The following NPHP3 variants were observed in gnomAD, a reference collection of about 807,000 sequenced individuals.
The protein encoded by NPHP3 is nephrocystin 3.
NPHP3 carries 123 observed loss-of-function variants against 171.9 expected under a neutral mutation model. The observed-to-expected ratio is 0.72, with a 90% CI of 0.62 to 0.83. NPHP3 has a LOEUF of 0.83. Ranked by LOEUF, NPHP3 falls within the 40% of genes least tolerant of loss-of-function variation. NPHP3 has a pLI of 0.00. For synonymous variants in NPHP3, 558 were observed against 579.2 expected (o/e 0.96, Z 0.52); for missense variants, 1,506 against 1,591.9 (o/e 0.95, Z 0.92).
At chr3:132,710,067 T>TG (rs1401893550) in intron 6 of NPHP3, among the ~76,000 whole-genome samples, 1 of 152,160 alleles carries the variant, frequency 6.6e-6, no homozygotes, top group Non-Finnish European at 1.5e-5. Context: ...CGGAAGCAGA[T>TG]GCTACAGATG....
At chr3:132,712,357 G>T (rs1939933231) in intron 6 of NPHP3, 1 of 452,418 alleles carries the variant, frequency 2.2e-6, no homozygotes, top group South Asian at 1.6e-5. Context: ...TGAAATTAGG[G>T]GTTATCAACT....
chr3:132,700,642 G>A (rs1010861989), intron 10 of NPHP3, among the ~76,000 whole-genome samples, 194 bp from the exon 11 acceptor site: 1 of 152,052 alleles, frequency 6.6e-6, no homozygotes, highest in African/African-American at 2.4e-5. Context: ...TTAAAAAATT[G>A]TAGATTCATT....
Position 132,694,827 on chromosome 3 carries a change from C to T in NPHP3, c.2310G>A (p.Gln770=). 2 of 1,612,986 alleles carry T rather than the reference C, an allele frequency of 1.2e-6. No individual in the cohort carries two copies. Among genetic ancestry groups the T allele is most frequent in the Non-Finnish European group, 8.5e-7 (1 of 1,179,854 alleles). Reference sequence around the variant, plus strand: ...TTTTTATAAGTTTATTACATTCTACCTGCTTCATTAGCTCTTTATCCACAT... The same window carrying T: ...TTTTTATAAGTTTATTACATTCTACTTGCTTCATTAGCTCTTTATCCACAT... ...ANDVDKELMK[Q]ILCLVNVSHN... The change falls in exon 16 of 27, where the codon CAG becomes CAA. Residue 770 remains glutamine, a splice_region_variant and synonymous_variant. Transcript: ENST00000337331.
chr3:132,706,276 G>C (rs923265119), intron 7 of NPHP3, among the ~76,000 whole-genome samples: 1 of 151,358 alleles, frequency 6.6e-6, no homozygotes, highest in African/African-American at 2.4e-5. Context: ...AGAGAATGGC[G>C]TGAACCCGGG....
intron 13 of NPHP3, among the ~76,000 whole-genome samples, chr3:132,698,918 G>C (rs931141692): frequency 6.6e-6 from 1 of 151,670 alleles, no homozygotes; most frequent in African/African-American, 2.4e-5. Flanking sequence ...TTGGAGACAG[G>C]GTCTCCCTCT....
intron 6 of NPHP3, among the ~76,000 whole-genome samples, chr3:132,710,346 TAAAA>T (rs78357959): frequency 7.8e-6 from 1 of 127,534 alleles, no homozygotes; most frequent in African/African-American, 2.9e-5. Flanking sequence ...GGTGATCTGG[TAAAA>T]AAAAAAAAAA....
chr3:132,687,721 A>G (rs1044366934), intron 21 of NPHP3, among the ~76,000 whole-genome samples: 7 of 152,250 alleles, frequency 4.6e-5, no homozygotes, highest in African/African-American at 1.7e-4. Context: ...AAGTTAAAAA[A>G]TTCCATTATG....
intron 19 of NPHP3, among the ~76,000 whole-genome samples, chr3:132,689,794 A>AAGT (rs1939253511): frequency 6.6e-6 from 1 of 152,236 alleles, no homozygotes; most frequent in Non-Finnish European, 1.5e-5. Context: ...AGGCGATCTT[A>AAGT]AGTAGTATGG....
At chr3:132,721,718 T>C (rs758695653) in intron 1 of NPHP3, 8 of 685,108 alleles carry the variant, frequency 1.2e-5, no homozygotes, top group African/African-American at 1.8e-5. Flanking sequence ...GGGAGGATCA[T>C]TGAGCCCAGG....
intron 5 of NPHP3, 125 bp from the exon 6 acceptor site, chr3:132,713,411 T>C: frequency 1.9e-6 from 1 of 525,550 alleles, no homozygotes. Context: ...TCATATAAAA[T>C]TTTAAAAATA....
chr3:132,692,118 A>T (rs1939314624), intron 17 of NPHP3, among the ~76,000 whole-genome samples: 1 of 152,204 alleles, frequency 6.6e-6, no homozygotes, highest in African/African-American at 2.4e-5. Flanking sequence ...ACAGTTACAC[A>T]CAGTATTCAG....
rs757710406 is a variant in NPHP3, at chr3:132,684,772, G to A, written c.3352C>T (p.Arg1118Cys). 12 of 1,613,480 alleles carry A rather than the reference G, an allele frequency of 7.4e-6. No individual in the cohort carries two copies. The highest frequency in any genetic ancestry group is 4.0e-5 in the African/African-American group (3 of 74,918). The change falls in exon 24 of 27, where the codon CGT (arginine) becomes TGT (cysteine). Residue 1118 changes from arginine (R) to cysteine (C), a missense_variant. Arg to Cys is a radical substitution (Grantham distance 180). Transcript: ENST00000337331. The part of the protein sequence containing the change: ...NLETADQFLK[R>C]SLEMRERVLG... ...ACTCGCTCCCTCATTTCTAAGGAAC[G>A]CTTCAGAAACTGGTCAGCTGTTCTG...
intron 26 of NPHP3, 178 bp downstream of exon 26, chr3:132,682,518 AATAGATC>A: frequency 1.6e-6 from 1 of 608,022 alleles, no homozygotes; most frequent in East Asian, 2.8e-5. Flanking sequence ...TCCTCTGCAA[AATAGATC>A]ATGCAGGCTT....
intron 17 of NPHP3, 31 bp from the exon 18 acceptor site, chr3:132,691,317 T>C (rs765506020): frequency 3.7e-5 from 54 of 1,455,982 alleles, no homozygotes; most frequent in Non-Finnish European, 5.2e-5. Flanking sequence ...TACTGAGTTC[T>C]ATTTCACGTA....
chr3:132,687,845 A>G (rs534595609), intron 21 of NPHP3, among the ~76,000 whole-genome samples: 3 of 152,338 alleles, frequency 2.0e-5, no homozygotes, highest in Non-Finnish European at 4.4e-5. Context: ...GGCTTTTTCT[A>G]TAACGGGCTA....
intron 17 of NPHP3, among the ~76,000 whole-genome samples, chr3:132,691,537 A>G (rs1025512384): frequency 6.6e-6 from 1 of 152,216 alleles, no homozygotes; most frequent in Admixed American, 6.5e-5. Flanking sequence ...TAAAAATCTC[A>G]GAAGTGTGGA....
intron 13 of NPHP3, among the ~76,000 whole-genome samples, chr3:132,698,663 A>G (rs994811414): frequency 6.6e-6 from 1 of 152,028 alleles, no homozygotes; most frequent in Non-Finnish European, 1.5e-5. Context: ...CCCTTTCTCT[A>G]TTTTCCTCAT....
intron 15 of NPHP3, among the ~76,000 whole-genome samples, chr3:132,696,150 A>G (rs986245927): frequency 2.0e-5 from 3 of 152,080 alleles, no homozygotes; most frequent in African/African-American, 7.2e-5. Flanking sequence ...TTGAGAAAAG[A>G]CAAAGTAGAG....
chr3:132,708,624 T>A (rs1005791246), intron 6 of NPHP3, among the ~76,000 whole-genome samples: 1 of 152,184 alleles, frequency 6.6e-6, no homozygotes, highest in African/African-American at 2.4e-5. Context: ...CAAAATTCCA[T>A]TTAAAAATGT....
Sources: allele counts gnomAD v4.1 joint callset (sites outside exome capture counted in the v4.1 genomes callset), GRCh38; gene constraint gnomAD v4.1.1; transcripts MANE v1.5; gene names NCBI Gene and HGNC (gene_info 2026-07-23, HGNC 2026-07-21).